The following ADGB variants were observed in gnomAD, a reference collection of about 807,000 sequenced individuals.
ADGB encodes the protein androglobin, also known as calpain-7-like protein.
In ADGB, 172 loss-of-function variants were observed where a neutral mutation model predicts 210.5. That is an observed-to-expected ratio of 0.82 (90% CI 0.72 to 0.93). The LOEUF (loss-of-function observed/expected upper bound fraction) is 0.93, where lower values mean the gene tolerates loss of function less well. ADGB is among the 40% of genes least tolerant of loss of function. ADGB has a pLI of 0.00. For synonymous variants in ADGB, 658 were observed against 662.7 expected (o/e 0.99, Z 0.11); for missense variants, 2,025 against 1,964.8 (o/e 1.03, Z -0.58).
At chr6:146,706,812 A>C (rs895726185) in intron 13 of ADGB, among the ~76,000 whole-genome samples, 5 of 105,588 alleles carry the variant, frequency 4.7e-5, no homozygotes, top group African/African-American at 2.0e-4. Context: ...AAGGTTTGTC[A>C]GTTTTGTTTA....
chr6:146,783,166 TG>T (rs1777825852), intron 30 of ADGB, among the ~76,000 whole-genome samples: 1 of 151,904 alleles, frequency 6.6e-6, no homozygotes, highest in African/African-American at 2.4e-5. Context: ...AAACAAAAGG[TG>T]GGGTGCAGTT....
chr6:146,662,781 A>G (rs1355152510), intron 5 of ADGB, among the ~76,000 whole-genome samples: 2 of 151,556 alleles, frequency 1.3e-5, no homozygotes, highest in African/African-American at 2.4e-5. Flanking sequence ...TTAGATTCAG[A>G]AGGCACATCC....
At chr6:146,682,747 A>G (rs1320719303) in intron 9 of ADGB, among the ~76,000 whole-genome samples, 1 of 152,166 alleles carries the variant, frequency 6.6e-6, no homozygotes, top group Non-Finnish European at 1.5e-5. Flanking sequence ...ATCACACAAC[A>G]TATTTACAGA....
At chr6:146,683,261 G>A (rs1776181386) in intron 9 of ADGB, among the ~76,000 whole-genome samples, 1 of 152,092 alleles carries the variant, frequency 6.6e-6, no homozygotes. Flanking sequence ...ACAGACTAAA[G>A]CAGTTAGTGT....
intron 2 of ADGB, among the ~76,000 whole-genome samples, chr6:146,642,543 C>A (rs535840205): frequency 3.4e-4 from 52 of 151,868 alleles, no homozygotes; most frequent in African/African-American, 1.2e-3. Context: ...ACTATGGATA[C>A]ATATACACCA....
In ADGB at chr6:146,721,389, C is replaced by G. The variant is rs1776810192; in HGVS notation, c.1993-14C>G. 2.0e-6 allele frequency: 3 copies of G among 1,463,922 alleles called. No individual in the cohort carries two copies. Among genetic ancestry groups the G allele is most frequent in the Non-Finnish European group, 2.8e-6 (3 of 1,067,220 alleles). The allele number at this position is 1,463,922 out of a possible 1,614,324, so 90.7% of individuals were successfully genotyped here. ...ACTGATATTAAGTATGACAACTGGT[C>G]TAATTTCTTGCAGTTCTCAGAAGAA... On this transcript the variant is annotated splice_polypyrimidine_tract_variant and intron_variant, in intron 16 of 35. Transcript: ENST00000397944.
Position 146,758,548 on chromosome 6 carries a change from T to C in ADGB, c.3551-5353T>C, listed in dbSNP as rs2114618875. 1.3e-5 allele frequency among the ~76,000 whole-genome samples: 2 copies of C among 152,152 alleles called. 1 individual carries two copies. Among genetic ancestry groups the C allele is most frequent in the East Asian group, 3.9e-4 (2 of 5,188 alleles). ...AGTATTTAAAACCAATTTTTATAGGTTTACTTCTGGCCAAGAAAGATACAG... is the reference window on the plus strand; with the variant it reads ...AGTATTTAAAACCAATTTTTATAGGCTTACTTCTGGCCAAGAAAGATACAG... On this transcript the variant is annotated intron_variant, in intron 27 of 35. Transcript: ENST00000397944.
At position 146,803,141 on chromosome 6, in the gene ADGB, ATCT is replaced by A. The variant is rs1778156831; in HGVS notation, c.4818+1134_4818+1136del. The stretch of plus-strand genomic sequence containing the variant: ...GAAGGCAATCTACCACAACGCCAAG[ATCT>A]TCTATCCTCAACAAATAAGCTACAA... On this transcript the variant is annotated intron_variant, in intron 35 of 35. Coordinates refer to ENST00000397944, the MANE Select transcript of ADGB (RefSeq NM_024694.4). The A allele has an allele frequency of 2.7e-6, 4 of 1,485,230 alleles. No homozygotes were observed. In the Admixed American group the frequency reaches 6.7e-5, roughly 25 times the overall value. 92.0% of individuals were successfully genotyped at this position (1,485,230 alleles called of 1,614,324 possible).
chr6:146,736,611 T>C lies in ADGB; in HGVS notation c.2888+20T>C. 1 of 1,481,074 alleles carries C rather than the reference T, an allele frequency of 6.8e-7. No homozygotes were observed. The highest frequency in any genetic ancestry group is 9.1e-7 in the Non-Finnish European group (1 of 1,093,242). 91.7% of individuals were successfully genotyped at this position (1,481,074 alleles called of 1,614,324 possible). ...CTTAAGGTAAAGCAGTCAAATGATA[T>C]TTTTATTGCAGTATATTGTCCTTTT... On this transcript the variant is annotated intron_variant, in intron 23 of 35. Transcript: ENST00000397944.
At chr6:146,736,421 A>G in intron 22 of ADGB, 77 bp from the exon 23 acceptor site, 6 of 938,494 alleles carry the variant, frequency 6.4e-6, no homozygotes, top group South Asian at 2.0e-5. Context: ...TTCATTTGTG[A>G]AAATGAAGGC....
chr6:146,723,761 A>G (rs1199727395), intron 17 of ADGB, among the ~76,000 whole-genome samples: 1 of 152,166 alleles, frequency 6.6e-6, no homozygotes, highest in East Asian at 1.9e-4. Flanking sequence ...TTTTTTTGAT[A>G]AACAGTGGGA....
At chr6:146,675,857 A>G (rs1425937770) in intron 8 of ADGB, among the ~76,000 whole-genome samples, 1 of 152,184 alleles carries the variant, frequency 6.6e-6, no homozygotes, top group Non-Finnish European at 1.5e-5. Context: ...TCTGGGCTCC[A>G]CAAGAAAATA....
chr6:146,638,601 T>G (rs1775459471), intron 2 of ADGB, among the ~76,000 whole-genome samples: 5 of 16,138 alleles, frequency 3.1e-4, no homozygotes, highest in Non-Finnish European at 4.1e-4. Context: ...CTGGGGCCTG[T>G]TGTGGGGTGG....
At chr6:146,747,794 T>C (rs1777262807) in intron 26 of ADGB, among the ~76,000 whole-genome samples, 1 of 150,286 alleles carries the variant, frequency 6.7e-6, no homozygotes, top group Non-Finnish European at 1.5e-5. Context: ...TTTTTTTTTT[T>C]TTGAGACAGA....
chr6:146,808,191 G>A (rs1341395072), intron 35 of ADGB, among the ~76,000 whole-genome samples: 1 of 151,918 alleles, frequency 6.6e-6, no homozygotes, highest in African/African-American at 2.4e-5. Context: ...GTAGAGACGG[G>A]GTTTCACCAT....
chr6:146,810,425 A>G (rs1312802675), intron 35 of ADGB, among the ~76,000 whole-genome samples: 2 of 152,232 alleles, frequency 1.3e-5, no homozygotes, highest in Non-Finnish European at 2.9e-5. Flanking sequence ...TAGAGCTACC[A>G]TATGATCCAG....
At chr6:146,662,721 A>T (rs1240850508) in intron 5 of ADGB, among the ~76,000 whole-genome samples, 1 of 151,788 alleles carries the variant, frequency 6.6e-6, no homozygotes, top group African/African-American at 2.4e-5. Flanking sequence ...GTTATGTTTT[A>T]CAACTCTGAT....
At chr6:146,618,204 G>T (rs1309862855) in intron 1 of ADGB, among the ~76,000 whole-genome samples, 3 of 150,820 alleles carry the variant, frequency 2.0e-5, no homozygotes, top group South Asian at 2.1e-4. Flanking sequence ...ATTATCCTTT[G>T]TATTTTTGTA....
chr6:146,718,545 C>A (rs1404845326), intron 16 of ADGB, among the ~76,000 whole-genome samples: 1 of 152,142 alleles, frequency 6.6e-6, no homozygotes, highest in South Asian at 2.1e-4. Context: ...GAGGTAGGAA[C>A]TCAATTTAAA....
Sources: gnomAD v4.1 joint callset for allele counts (sites outside exome capture counted in the v4.1 genomes callset) on GRCh38, gnomAD v4.1.1 for gene constraint, MANE v1.5 for transcripts, NCBI Gene and HGNC (gene_info 2026-07-23, HGNC 2026-07-21) for gene names.